Variants in TMEM232 observed in about 807,000 individuals in gnomAD.
TMEM232 encodes the protein transmembrane protein 232.
In TMEM232, 80 loss-of-function variants were observed where a neutral mutation model predicts 78.8. The observed-to-expected ratio is 1.01, with a 90% confidence interval of 0.85 to 1.22. The LOEUF (loss-of-function observed/expected upper bound fraction) is 1.22. Among genes scored for constraint, TMEM232 ranks in the 50% most tolerant of loss-of-function variants. TMEM232 has a pLI of 0.00. For synonymous variants in TMEM232, 297 were observed against 254.3 expected, an observed-to-expected ratio of 1.17 and a Z score of -1.60; for missense variants, 881 against 742.2, an observed-to-expected ratio of 1.19 and a Z score of -2.17.
chr5:110,668,483 G>C (rs1399852203), intron 1 of TMEM232, among the ~76,000 whole-genome samples: 1 of 152,156 alleles, frequency 6.6e-6, no homozygotes, highest in Non-Finnish European at 1.5e-5. Flanking sequence ...CAGGGGCAAA[G>C]TGAAGAAGAA....
At chr5:110,690,991 G>C (rs1440753697) in intron 1 of TMEM232, among the ~76,000 whole-genome samples, 1 of 151,878 alleles carries the variant, frequency 6.6e-6, no homozygotes, top group Non-Finnish European at 1.5e-5. Context: ...GGGGGTAGGG[G>C]AGGGATAGCA....
intron 2 of TMEM232, among the ~76,000 whole-genome samples, chr5:110,645,258 C>A (rs1198803931): frequency 1.3e-5 from 2 of 151,512 alleles, no homozygotes; most frequent in Non-Finnish European, 3.0e-5. Context: ...TCAAACTGTA[C>A]AAAGACACTA....
At chr5:110,645,970 C>A (rs1010525955) in intron 2 of TMEM232, among the ~76,000 whole-genome samples, 3 of 151,170 alleles carry the variant, frequency 2.0e-5, no homozygotes, top group African/African-American at 7.3e-5. Context: ...ATAATAGCAA[C>A]AAAAATAATA....
chr5:110,462,099 T>A (rs1485850946), intron 12 of TMEM232, among the ~76,000 whole-genome samples: 3 of 152,206 alleles, frequency 2.0e-5, no homozygotes, highest in Admixed American at 2.0e-4. Context: ...CCAAAGATAG[T>A]GATTCTTATA....
chr5:110,388,859 C>T (rs936259700), intron 4 of TMEM232, among the ~76,000 whole-genome samples: 4 of 152,100 alleles, frequency 2.6e-5, no homozygotes, highest in African/African-American at 9.7e-5. Flanking sequence ...GAAAGATGAG[C>T]AAGGTATTTT....
upstream of TMEM232, chr5:110,738,893 G>A (rs1391858000): frequency 1.4e-5 from 16 of 1,150,936 alleles, no homozygotes; most frequent in South Asian, 5.0e-5. Flanking sequence ...AAACTTTTAA[G>A]GTCCAGGTTA....
At chr5:110,738,004 A>C (rs567493605) in exon 1 of TMEM232, 1 of 226,810 alleles carries the variant, frequency 4.4e-6, no homozygotes, top group African/African-American at 2.3e-5. Flanking sequence ...ATACACCCAT[A>C]AAAAATAAAA....
chr5:110,412,029 G>A (rs2112583530), intron 2 of TMEM232, among the ~76,000 whole-genome samples: 1 of 152,174 alleles, frequency 6.6e-6, no homozygotes, highest in South Asian at 2.1e-4. Flanking sequence ...TACATCCTGT[G>A]TCCCATCTTC....
rs759440761 is a variant in TMEM232, at chr5:110,663,773, GTA to G, written c.125+3453_125+3454del. Among the ~76,000 whole-genome samples the G allele has an allele frequency of 7.7e-3, 1,128 of 146,998 alleles. 9 individuals are homozygous for G. The highest frequency in any genetic ancestry group is 0.045 in the Middle Eastern group (13 of 288). On this transcript the variant is annotated intron_variant, in intron 2 of 13. Transcript: ENST00000455884. ...TGTGTGTGTGTGTGTGTGTGTGTGT[GTA>G]TATACAATATTCAGATACTTTTGGA...
At chr5:110,467,490 T>TAACA (rs888695703) in intron 12 of TMEM232, among the ~76,000 whole-genome samples, 4 of 152,146 alleles carry the variant, frequency 2.6e-5, no homozygotes, top group African/African-American at 9.7e-5. Flanking sequence ...GCTAATACAC[T>TAACA]AACAGAAAGC....
At chr5:110,635,114 C>T (rs1785623443) in intron 5 of TMEM232, among the ~76,000 whole-genome samples, 1 of 151,874 alleles carries the variant, frequency 6.6e-6, no homozygotes, top group Admixed American at 6.6e-5. Flanking sequence ...TGAAAACATA[C>T]AACCTACCAA....
chr5:110,512,116 T>A (rs1338122433), intron 12 of TMEM232, among the ~76,000 whole-genome samples: 1 of 152,172 alleles, frequency 6.6e-6, no homozygotes, highest in Non-Finnish European at 1.5e-5. Context: ...TTTAATACAT[T>A]TTTTGTGTAA....
intron 12 of TMEM232, among the ~76,000 whole-genome samples, chr5:110,442,295 T>C (rs1379864931): frequency 3.9e-5 from 6 of 152,084 alleles, no homozygotes; most frequent in East Asian, 1.9e-4. Flanking sequence ...TGTAGGTAGA[T>C]ACTCATTCCC....
chr5:110,696,831 AT>A (rs1379629529), intron 1 of TMEM232, among the ~76,000 whole-genome samples: 1 of 152,172 alleles, frequency 6.6e-6, no homozygotes, highest in East Asian at 1.9e-4. Context: ...TTCCATGCTC[AT>A]GGGTAGGAAG....
chr5:110,586,894 T>A (rs946786021), intron 10 of TMEM232, among the ~76,000 whole-genome samples: 1 of 152,166 alleles, frequency 6.6e-6, no homozygotes, highest in African/African-American at 2.4e-5. Flanking sequence ...TGTAATCTTA[T>A]AACATTCTCA....
chr5:110,738,171 A>AG (rs1799403025), upstream of TMEM232: 1 of 1,250,652 alleles, frequency 8.0e-7, no homozygotes, highest in Non-Finnish European at 1.0e-6. Context: ...GAAGGAACAT[A>AG]GGATGAAACC....
intron 7 of TMEM232, among the ~76,000 whole-genome samples, chr5:110,624,275 T>C (rs1277039840): frequency 6.6e-6 from 1 of 152,168 alleles, no homozygotes; most frequent in Non-Finnish European, 1.5e-5. Flanking sequence ...TTGCATGGCA[T>C]TTAATAATTT....
intron 12 of TMEM232, among the ~76,000 whole-genome samples, chr5:110,443,899 G>A (rs1294303606): frequency 6.6e-6 from 1 of 152,162 alleles, no homozygotes; most frequent in Non-Finnish European, 1.5e-5. Context: ...GGCCTCGAAT[G>A]GGAGTCTCAT....
At chr5:110,602,690 T>C (rs2149816232) in intron 10 of TMEM232, among the ~76,000 whole-genome samples, 1 of 152,292 alleles carries the variant, frequency 6.6e-6, no homozygotes, top group African/African-American at 2.4e-5. Flanking sequence ...TTTACACTGT[T>C]GGTGGGAGTG....
Sources: allele counts gnomAD v4.1 joint callset (sites outside exome capture counted in the v4.1 genomes callset), GRCh38; gene constraint gnomAD v4.1.1; transcripts MANE v1.5; gene names NCBI Gene and HGNC (gene_info 2026-07-23, HGNC 2026-07-21).